SCML1: variants seen among roughly 807,000 people sequenced by gnomAD.
The protein encoded by SCML1 is Scm polycomb group protein like 1.
For synonymous variants in SCML1, 104 were observed against 103.6 expected (o/e 1.00, Z -0.02); for missense variants, 137 against 258.1 (o/e 0.53, Z 3.22).
rs1226767128 is a variant in SCML1, at chrX:17,754,964, A to G, written c.*1572A>G. The G allele has an allele frequency of 1.8e-5, 2 of 112,989 alleles. No individual in the cohort carries two copies. The highest frequency in any genetic ancestry group is 3.7e-5 in the Non-Finnish European group (2 of 53,389). 9.3% of individuals were successfully genotyped at this position (112,989 alleles called of 1,213,427 possible). Reference sequence around the variant, plus strand: ...AGTTTTCATATTTTAAAATATTAATAAAGTTAAATCACAATAGTTCATTGA... The same window carrying G: ...AGTTTTCATATTTTAAAATATTAATGAAGTTAAATCACAATAGTTCATTGA... On this transcript the variant is annotated 3_prime_UTR_variant, in exon 8 of 8. Transcript: ENST00000380041.
chrX:17,748,085 C>T (rs1264861754), intron 4 of SCML1, among the ~76,000 whole-genome samples: 2 of 111,858 alleles, frequency 1.8e-5, no homozygotes, highest in East Asian at 5.7e-4. Context: ...TGGGGTACAA[C>T]CTGGCATTTG....
At chrX:17,743,064 A>G (rs113438928) in intron 1 of SCML1, among the ~76,000 whole-genome samples, 1,282 of 112,311 alleles carry the variant, frequency 0.011, 25 homozygotes, top group African/African-American at 0.039. Context: ...GATAGCCTGT[A>G]TAAGTTTTAT....
chrX:17,741,869 C>T (rs1472478804), intron 1 of SCML1, among the ~76,000 whole-genome samples: 2 of 111,060 alleles, frequency 1.8e-5, no homozygotes, highest in African/African-American at 6.6e-5. Context: ...AAAATGAGGA[C>T]AGTAATAGAA....
chrX:17,749,987 T>C lies in SCML1; in HGVS notation c.397T>C (p.Tyr133His). Residue 133 changes from tyrosine to histidine, a missense_variant, in exon 6 of 8, where the codon TAC (tyrosine) becomes CAC (histidine). Transcript: ENST00000380041. ...AAATGAGGTTTACGAGACATTCTCC[T>C]ACCCTGAAAGTTACAGCCCCACTTT... The part of the protein sequence containing the change: ...KKNEVYETFS[Y>H]PESYSPTLPV... 8.3e-7 allele frequency: 1 copy of C among 1,211,504 alleles called. No individual in the cohort carries two copies.
chrX:17,742,523 A>C (rs1482081325), intron 1 of SCML1, among the ~76,000 whole-genome samples: 5 of 112,124 alleles, frequency 4.5e-5, no homozygotes, highest in Admixed American at 2.8e-4. Context: ...CCTGGTTTTA[A>C]AACTACATGC....
chrX:17,745,180 G>T, intron 2 of SCML1: 1 of 207,878 alleles, frequency 4.8e-6, no homozygotes, highest in Non-Finnish European at 8.7e-6. Flanking sequence ...TGCTTTTAAA[G>T]TATTTCTGGT....
At chrX:17,745,649 T>C in intron 3 of SCML1, 110 bp downstream of exon 3, 2 of 445,094 alleles carry the variant, frequency 4.5e-6, no homozygotes, top group Non-Finnish European at 7.7e-6. Context: ...CAAGAAAATA[T>C]CTCTCCCCTG....
At position 17,744,169 on chromosome X, in the gene SCML1, T is replaced by G. The variant is rs1170417028; in HGVS notation, c.-18T>G. On this transcript the variant is annotated 5_prime_UTR_variant, in exon 2 of 8. Coordinates refer to ENST00000380041, the MANE Select transcript of SCML1 (RefSeq NM_001037540.3). The stretch of plus-strand genomic sequence containing the variant: ...AGGTCCAACTCAGAGGAAGTGGAGT[T>G]TCTCCTGTTGCACAAAAATGATGTC... 8.4e-7 allele frequency: 1 copy of G among 1,197,381 alleles called. No individual in the cohort carries two copies. Among genetic ancestry groups the G allele is most frequent in the Non-Finnish European group, 1.1e-6 (1 of 883,445 alleles).
rs2066735713 is a variant in SCML1, at chrX:17,753,623, G to C, written c.*231G>C. ...TCCAATAGAAAATTCATTCTTTATA[G>C]GTCTTTAAAAATTACTTTTATTATA... On this transcript the variant is annotated 3_prime_UTR_variant, in exon 8 of 8. Coordinates refer to ENST00000380041, the MANE Select transcript of SCML1 (RefSeq NM_001037540.3). The C allele has an allele frequency of 5.1e-6, 1 of 197,475 alleles. No homozygotes were observed. Among genetic ancestry groups the C allele is most frequent in the Non-Finnish European group, 9.2e-6 (1 of 108,974 alleles). The allele number at this position is 197,475 out of a possible 1,213,427, so 16.3% of individuals were successfully genotyped here.
intron 4 of SCML1, among the ~76,000 whole-genome samples, chrX:17,747,975 G>A (rs1396162997): frequency 9.0e-6 from 1 of 110,937 alleles, no homozygotes; most frequent in Non-Finnish European, 1.9e-5. Context: ...TCTCAGTGCC[G>A]CAGCCCTGTG....
chrX:17,753,470 C>A lies in SCML1; in HGVS notation c.*78C>A. ...TTCTTAGTGTGGAATCATTTTTCTG[C>A]CCTTTAGTCGTTTTTGTTTTGTAGA... On this transcript the variant is annotated 3_prime_UTR_variant, in exon 8 of 8. Transcript: ENST00000380041. 1 of 819,771 alleles carries A rather than the reference C, an allele frequency of 1.2e-6. No homozygotes were observed. 67.6% of individuals were successfully genotyped at this position (819,771 alleles called of 1,213,427 possible).
chrX:17,748,189 G>A (rs187301787), intron 4 of SCML1, among the ~76,000 whole-genome samples: 92 of 111,558 alleles, frequency 8.2e-4, no homozygotes, highest in African/African-American at 2.8e-3. Context: ...CACTTTGTCT[G>A]CTGGAATCCT....
Position 17,753,674 on chromosome X carries a change from G to C in SCML1, c.*282G>C. The C allele has an allele frequency of 8.5e-6, 1 of 117,647 alleles. No individual in the cohort carries two copies. The highest frequency in any genetic ancestry group is 1.7e-5 in the Non-Finnish European group (1 of 59,815). 9.7% of individuals were successfully genotyped at this position (117,647 alleles called of 1,213,427 possible). On this transcript the variant is annotated 3_prime_UTR_variant, in exon 8 of 8. Transcript: ENST00000380041. ...TTGTTTACAAATATATTTCATGCAA[G>C]AAACAGAAAAAAAAAAAAACCCTTT...
At chrX:17,741,653 C>G (rs776374710) in intron 1 of SCML1, among the ~76,000 whole-genome samples, 46 of 111,844 alleles carry the variant, frequency 4.1e-4, no homozygotes, top group African/African-American at 1.5e-3. Context: ...TTGTTGTCGT[C>G]ATTGTTGTTG....
chrX:17,743,842 T>G (rs962119020), intron 1 of SCML1: 37 of 168,544 alleles, frequency 2.2e-4, no homozygotes, highest in Non-Finnish European at 3.5e-4. Flanking sequence ...AAGCAGTCAC[T>G]TCACAGTTTG....
At chrX:17,752,300 G>C (rs2066718420) in intron 7 of SCML1, among the ~76,000 whole-genome samples, 1 of 111,924 alleles carries the variant, frequency 8.9e-6, no homozygotes, top group Admixed American at 9.4e-5. Context: ...CCACGAGGAG[G>C]AGGGGGTAAC....
rs1052978863 is a variant in SCML1 at position 17,754,754 on chromosome X, T to C, written c.*1362T>C. On this transcript the variant is annotated 3_prime_UTR_variant, in exon 8 of 8. Transcript: ENST00000380041. ...TCACCAGATGCAAGAATGTACCTTTTCTTTTTAGAAAGCCAAATGTACTTT... is the reference window on the plus strand; with the variant it reads ...TCACCAGATGCAAGAATGTACCTTTCCTTTTTAGAAAGCCAAATGTACTTT... 6 of 112,909 alleles carry C rather than the reference T, an allele frequency of 5.3e-5. No homozygotes were observed. The highest frequency in any genetic ancestry group is 1.9e-4 in the African/African-American group (6 of 31,033). 9.3% of individuals were successfully genotyped at this position (112,909 alleles called of 1,213,427 possible).
In SCML1 at chrX:17,751,938, G is replaced by A. The variant is rs1303306243; in HGVS notation, c.827G>A (p.Cys276Tyr). 1.7e-6 allele frequency: 2 copies of A among 1,211,147 alleles called. No homozygotes were observed. Among genetic ancestry groups the A allele is most frequent in the Non-Finnish European group, 2.2e-6 (2 of 895,134 alleles). ...FLKQTDPLALCPLVDLFRSHE... is the reference protein window; with the variant it reads ...FLKQTDPLALYPLVDLFRSHE... ...AAACAAACAGATCCTCTTGCATTAT[G>A]CCCTCTTGTCGACCTCTTCAGAAGC... The change falls in exon 7 of 8, where the codon TGC becomes TAC. Residue 276 changes from cysteine (C) to tyrosine (Y), a missense_variant. Physicochemically the swap from Cys to Tyr is radical, Grantham distance 194. Coordinates refer to ENST00000380041, the MANE Select transcript of SCML1 (RefSeq NM_001037540.3).
chrX:17,745,570 A>C (rs755926440), intron 3 of SCML1, 31 bp downstream of exon 3: 2 of 840,609 alleles, frequency 2.4e-6, no homozygotes, highest in Non-Finnish European at 3.5e-6. Context: ...CAAATATATT[A>C]ACATTTGCTG....
Sources: allele counts gnomAD v4.1 joint callset (sites outside exome capture counted in the v4.1 genomes callset), GRCh38; gene constraint gnomAD v4.1.1; transcripts MANE v1.5; gene names NCBI Gene and HGNC (gene_info 2026-07-23, HGNC 2026-07-21).